The following EPOR variants were observed in gnomAD, a reference collection of about 807,000 sequenced individuals.
EPOR encodes the protein erythropoietin receptor.
Under a neutral mutation model 34.3 loss-of-function variants are expected in EPOR, and 20 were observed. That is an observed-to-expected ratio of 0.58 (90% CI 0.41 to 0.85). The LOEUF is 0.85. EPOR is among the 40% of genes least tolerant of loss of function. The probability of loss-of-function intolerance (pLI) is 0.00; values close to 1 mark genes in which losing one functional copy is unlikely to be tolerated. For missense variants in EPOR, 601 were observed against 672.7 expected (o/e 0.89, Z 1.18); for synonymous variants, 312 against 299.0 (o/e 1.04, Z -0.45).
Position 11,381,998 on chromosome 19 carries a change from A to G in EPOR, c.359T>C (p.Leu120Pro). The G allele has an allele frequency of 6.2e-7, 1 of 1,614,200 alleles. No individual in the cohort carries two copies. Among genetic ancestry groups the G allele is most frequent in the Non-Finnish European group, 8.5e-7 (1 of 1,180,038 alleles). ...GGAGGCTGCTGTGACGCGCAACTCT[A>G]GGGGCACGAAGCTCGACGTGTCGGC... is the stretch of plus-strand genomic sequence containing the variant. The part of the protein sequence containing the change: ...PTADTSSFVP[L>P]ELRVTAASGA... The change falls in exon 3 of 8, where the codon CTA becomes CCA. Residue 120 changes from leucine (L) to proline (P), a missense_variant. Physicochemically the swap from Leu to Pro is moderately conservative, Grantham distance 98 (BLOSUM62 -3). Transcript: ENST00000222139. The surrounding 1 kb of genome is among the most constrained non-coding windows in gnomAD (Gnocchi z 5.3).
chr19:11,382,990 CGCCGTCGG>C (rs1260502691), intron 2 of EPOR, 99 bp downstream of exon 2: 8 of 1,595,400 alleles, frequency 5.0e-6, no homozygotes, highest in Non-Finnish European at 6.8e-6. Context: ...CGACTGGAGG[CGCCGTCGG>C]GCCTCAAACA....
intron 6 of EPOR, among the ~76,000 whole-genome samples, chr19:11,379,075 C>T (rs149947827): frequency 1.3e-3 from 199 of 152,202 alleles, no homozygotes; most frequent in African/African-American, 4.7e-3. Flanking sequence ...ACTATAATCC[C>T]AGTACTTTGG....
At chr19:11,382,944 C>T (rs1253145847) in intron 2 of EPOR, 153 bp downstream of exon 2, 2 of 1,551,348 alleles carry the variant, frequency 1.3e-6, no homozygotes, top group African/African-American at 1.4e-5. Flanking sequence ...AGAGGGCGTG[C>T]CAGCCCTGGA....
At position 11,383,777 on chromosome 19, in the gene EPOR, C is replaced by A. The variant is rs1214581833; in HGVS notation, c.115+316G>T. 4.6e-5 allele frequency among the ~76,000 whole-genome samples: 7 copies of A among 151,904 alleles called. No individual in the cohort carries two copies. Among genetic ancestry groups the A allele is most frequent in the Admixed American group, 4.6e-4 (7 of 15,258 alleles). ...GGGAGGGTCGGCTTGGTCCCCACCC[C>A]CCAGGGACCTTAGCACCAAGTCAGC... On this transcript the variant is annotated intron_variant, in intron 1 of 7. Coordinates refer to ENST00000222139, the MANE Select transcript of EPOR (RefSeq NM_000121.4). This position sits in a 1 kb window ranked among gnomAD's most constrained non-coding sequence, Gnocchi z 4.9.
At position 11,381,150 on chromosome 19, in the gene EPOR, G is replaced by T; in HGVS notation, c.645C>A (p.Arg215=). 2 of 1,558,432 alleles carry T rather than the reference G, an allele frequency of 1.3e-6. No individual in the cohort carries two copies. Among genetic ancestry groups the T allele is most frequent in the Non-Finnish European group, 1.7e-6 (2 of 1,151,520 alleles). The part of the protein sequence containing the change: ...CVLSNLRGRT[R]YTFAVRARMA... Reference sequence around the variant, plus strand: ...TACGCGCGCGGACGGCGAAGGTGTAGCGCGTCCGGCCCCGCAGGTTGCTCA... The same window carrying T: ...TACGCGCGCGGACGGCGAAGGTGTATCGCGTCCGGCCCCGCAGGTTGCTCA... Residue 215 remains arginine, a synonymous_variant, in exon 5 of 8, where the codon CGC becomes CGA. Coordinates refer to ENST00000222139, the MANE Select transcript of EPOR (RefSeq NM_000121.4). This position sits in a 1 kb window ranked among gnomAD's most constrained non-coding sequence, Gnocchi z 5.3.
chr19:11,378,084 G>A lies in EPOR; in HGVS notation c.1427C>T (p.Ala476Val), dbSNP rs146937816. Residue 476 changes from alanine to valine, a missense_variant, in exon 8 of 8, where the codon GCC becomes GTC. Transcript: ENST00000222139. The surrounding 1 kb of genome is among the most constrained non-coding windows in gnomAD (Gnocchi z 5.3). The part of the protein sequence containing the change: ...TDYSSGDSQG[A>V]QGGLSDGPYS... ...GGGGCCATCGGATAAGCCCCCTTGG[G>A]CTCCCTGGGAGTCCCCTGAGCTGTA... 453 of 1,613,898 alleles carry A rather than the reference G, an allele frequency of 2.8e-4. 4 individuals carry two copies. The South Asian group carries it at 4.7e-3, about 17-fold the overall frequency.
chr19:11,383,533 A>C lies in EPOR; in HGVS notation c.116-301T>G, dbSNP rs1968394367. On this transcript the variant is annotated intron_variant, in intron 1 of 7. Coordinates refer to ENST00000222139, the MANE Select transcript of EPOR (RefSeq NM_000121.4). This position sits in a 1 kb window ranked among gnomAD's most constrained non-coding sequence, Gnocchi z 4.9. The stretch of plus-strand genomic sequence containing the variant: ...AGCTCGGGACTGCCAGCCCCGCCCC[A>C]GCCTAGGACACGCGCGCGGCTGGGG... The C allele has an allele frequency of 6.0e-6, 2 of 334,258 alleles. No homozygotes were observed. The highest frequency in any genetic ancestry group is 1.1e-4 in the East Asian group (2 of 17,744). The allele number at this position is 334,258 out of a possible 1,614,324, so 20.7% of individuals were successfully genotyped here. A position where few individuals can be genotyped will look rare whatever the true frequency, so the allele number is the denominator to read the frequency against.
At chr19:11,384,065 T>G (rs2144701101) in intron 1 of EPOR, 28 bp downstream of exon 1, 2 of 1,405,528 alleles carry the variant, frequency 1.4e-6, no homozygotes, top group Non-Finnish European at 2.0e-6. Context: ...GGCTCCAGCG[T>G]AGGGGTCCAC....
intron 2 of EPOR, 57 bp from the exon 3 acceptor site, chr19:11,382,162 C>A: frequency 6.8e-7 from 1 of 1,478,744 alleles, no homozygotes. Context: ...TTGGCATTGC[C>A]CGGCCTGTGG....
In EPOR at chr19:11,377,796, C is replaced by CAA. The variant is rs528356712; in HGVS notation, c.*186_*187dup. The CAA allele has an allele frequency of 9.9e-5, 73 of 739,942 alleles. No homozygotes were observed. Among genetic ancestry groups the CAA allele is most frequent in the Admixed American group, 1.4e-4 (8 of 56,796 alleles). The allele number at this position is 739,942 out of a possible 1,614,324, so 45.8% of individuals were successfully genotyped here. A position where few individuals can be genotyped will look rare whatever the true frequency, so the allele number is the denominator to read the frequency against. On this transcript the variant is annotated 3_prime_UTR_variant, in exon 8 of 8. Transcript: ENST00000222139. ...ATATGTGTATATATATATATAGATACAAAAAAAAACTATACATATTTAAAA... is the reference window on the plus strand; with the variant it reads ...ATATGTGTATATATATATATAGATACAAAAAAAAAAACTATACATATTTAAAA...
At position 11,378,840 on chromosome 19, in the gene EPOR, C is replaced by T; in HGVS notation, c.828-62G>A. ...CTCATTGAATACTCACCAATTCCCC[C>T]TCCACTCCCAGTCATAGAGGCACAG... On this transcript the variant is annotated intron_variant, in intron 6 of 7. Coordinates refer to ENST00000222139, the MANE Select transcript of EPOR (RefSeq NM_000121.4). This position sits in a 1 kb window ranked among gnomAD's most constrained non-coding sequence, Gnocchi z 5.3. 4 of 1,505,250 alleles carry T rather than the reference C, an allele frequency of 2.7e-6. No individual in the cohort carries two copies. Among genetic ancestry groups the T allele is most frequent in the Non-Finnish European group, 2.8e-6 (3 of 1,087,442 alleles). The allele number at this position is 1,505,250 out of a possible 1,614,324, so 93.2% of individuals were successfully genotyped here.
chr19:11,379,144 A>G (rs1393713769), intron 6 of EPOR, among the ~76,000 whole-genome samples: 3 of 152,096 alleles, frequency 2.0e-5, no homozygotes, highest in African/African-American at 7.2e-5. Flanking sequence ...TAGGAAACAT[A>G]GTGAGACCCC....
rs775300179 is a variant in EPOR at position 11,381,803 on chromosome 19, C to G, written c.474G>C (p.Glu158Asp). 5.0e-6 allele frequency: 8 copies of G among 1,613,820 alleles called. No homozygotes were observed. The South Asian group carries it at 6.6e-5, about 13-fold the overall frequency. ...GCCAGCGCAACACTACGTGGCCGCT[C>G]TCGTCAGCCAACCGCGCCACCAGCC... ...PVGLVARLAD[E>D]SGHVVLRWLP... Residue 158 changes from glutamate to aspartate, a missense_variant, in exon 4 of 8, where the codon GAG becomes GAC. Physicochemically the swap from Glu to Asp is conservative, Grantham distance 45 (BLOSUM62 2). Transcript: ENST00000222139. The surrounding 1 kb of genome is among the most constrained non-coding windows in gnomAD (Gnocchi z 5.3).
At position 11,380,946 on chromosome 19, in the gene EPOR, G is replaced by C. The variant is rs1170070367; in HGVS notation, c.765C>G (p.Leu255=). 2 of 1,552,324 alleles carry C rather than the reference G, an allele frequency of 1.3e-6. No individual in the cohort carries two copies. Among genetic ancestry groups the C allele is most frequent in the Admixed American group, 3.9e-5 (2 of 51,054 alleles). ...CCAGGATGACCACGAGGATGAGGGA[G>C]AGCGTCAGGATGAGGGGGTCCAGGT... ...PSDLDPLILT[L]SLILVVILVL... Residue 255 remains leucine, a synonymous_variant, in exon 6 of 8, where the codon CTC becomes CTG. Transcript: ENST00000222139.
intron 6 of EPOR, 143 bp downstream of exon 6, chr19:11,380,739 ATG>A: frequency 1.4e-6 from 1 of 699,876 alleles, no homozygotes. Context: ...CTAGTCTGGC[ATG>A]CATCCCAGCC....
At position 11,381,438 on chromosome 19, in the gene EPOR, C is replaced by G. The variant is rs868679276; in HGVS notation, c.586-229G>C. On this transcript the variant is annotated intron_variant, in intron 4 of 7. Coordinates refer to ENST00000222139, the MANE Select transcript of EPOR (RefSeq NM_000121.4). The surrounding 1 kb of genome is among the most constrained non-coding windows in gnomAD (Gnocchi z 5.3). Reference sequence around the variant, plus strand: ...GCAATTTAATATCTGGGCTAGCACTCGTAGAGGGACCCGGGCGCTAAAGGG... The same window carrying G: ...GCAATTTAATATCTGGGCTAGCACTGGTAGAGGGACCCGGGCGCTAAAGGG... 1.5e-6 allele frequency: 1 copy of G among 665,966 alleles called. No homozygotes were observed. Among genetic ancestry groups the G allele is most frequent in the Non-Finnish European group, 2.5e-6 (1 of 393,942 alleles). The allele number at this position is 665,966 out of a possible 1,614,324, so 41.3% of individuals were successfully genotyped here. A position where few individuals can be genotyped will look rare whatever the true frequency, so the allele number is the denominator to read the frequency against.
chr19:11,382,489 G>A (rs1053847120), intron 2 of EPOR, among the ~76,000 whole-genome samples: 4 of 149,890 alleles, frequency 2.7e-5, no homozygotes, highest in African/African-American at 4.9e-5. Flanking sequence ...TCAGCCTCCC[G>A]AGTAGCTGGG....
Position 11,377,361 on chromosome 19 carries a change from A to G in EPOR, c.*623T>C, listed in dbSNP as rs1229390274. 2 of 453,938 alleles carry G rather than the reference A, an allele frequency of 4.4e-6. No individual in the cohort carries two copies. Among genetic ancestry groups the G allele is most frequent in the Non-Finnish European group, 8.8e-6 (2 of 226,782 alleles). 28.1% of individuals were successfully genotyped at this position (453,938 alleles called of 1,614,324 possible). A position where few individuals can be genotyped will look rare whatever the true frequency, so the allele number is the denominator to read the frequency against. The stretch of plus-strand genomic sequence containing the variant: ...TGTTTCCAGCCAGTGAGGTGTGAGA[A>G]GAAGAGAGGAAGCCCATTTCCAGGC... On this transcript the variant is annotated 3_prime_UTR_variant, in exon 8 of 8. Coordinates refer to ENST00000222139, the MANE Select transcript of EPOR (RefSeq NM_000121.4).
chr19:11,382,936 A>G (rs1968383071), intron 2 of EPOR, 161 bp downstream of exon 2: 1 of 1,545,526 alleles, frequency 6.5e-7, no homozygotes, highest in Non-Finnish European at 8.7e-7. Context: ...CGGCCCATAG[A>G]GGGCGTGCCA....
Sources: gnomAD v4.1 joint callset for allele counts (sites outside exome capture counted in the v4.1 genomes callset) on GRCh38, gnomAD v4.1.1 for gene constraint, Gnocchi (gnomAD v3.1) non-coding constraint, MANE v1.5 for transcripts, NCBI Gene and HGNC (gene_info 2026-07-23, HGNC 2026-07-21) for gene names.